Variants in SYCP2 observed in about 807,000 individuals in gnomAD.
The protein encoded by SYCP2 is synaptonemal complex lateral element protein.
SYCP2 carries 55 observed loss-of-function variants against 211.3 expected under a neutral mutation model. That is an observed-to-expected ratio of 0.26 (90% CI 0.21 to 0.33). SYCP2 has a LOEUF of 0.33. Among genes scored for constraint, SYCP2 ranks in the 10% least tolerant of loss-of-function variants. The pLI is 1.00. For missense variants in SYCP2, 1,731 were observed against 1,752.0 expected (o/e 0.99, Z 0.21); for synonymous variants, 570 against 555.2 (o/e 1.03, Z -0.37).
At chr20:59,879,750 T>C (rs139611410) in intron 31 of SYCP2, among the ~76,000 whole-genome samples, 2,963 of 148,490 alleles carry the variant, frequency 0.02, 126 homozygotes, top group African/African-American at 0.068. Flanking sequence ...ATTTTTTGTG[T>C]CTATATAAAT....
chr20:59,927,515 G>A (rs1003273648), intron 2 of SYCP2, among the ~76,000 whole-genome samples: 5 of 151,982 alleles, frequency 3.3e-5, no homozygotes, highest in African/African-American at 9.7e-5. Flanking sequence ...TTCTTCCAGG[G>A]TCAACATCTA....
At chr20:59,880,700 G>C (rs2059661379) in intron 30 of SYCP2, among the ~76,000 whole-genome samples, 1 of 151,718 alleles carries the variant, frequency 6.6e-6, no homozygotes, top group African/African-American at 2.4e-5. Context: ...TGTTGATGTT[G>C]TTAATTCAAA....
rs749857698 is a variant in SYCP2 at position 59,882,123 on chromosome 20, A to C, written c.2572T>G (p.Phe858Val). The C allele has an allele frequency of 9.9e-6, 16 of 1,613,144 alleles. No homozygotes were observed. Among genetic ancestry groups the C allele is most frequent in the African/African-American group, 1.3e-5 (1 of 75,024 alleles). The change falls in exon 27 of 45, where the codon TTT (phenylalanine) becomes GTT (valine). Residue 858 changes from phenylalanine to valine, a missense_variant. Physicochemically the swap from Phe to Val is conservative, Grantham distance 50. This residue lies in a region of SYCP2 where 1,387 missense variants were observed against 1,351.3 expected (regional missense o/e 1.03). Coordinates refer to ENST00000357552, the MANE Select transcript of SYCP2 (RefSeq NM_014258.4). Reference protein sequence around the residue: ...KKSYRKLKTTFVNVTSECPVN... With the variant: ...KKSYRKLKTTVVNVTSECPVN... ...GGGCATTCAGAAGTAACATTAACAA[A>C]GGTAGTCTTCAGTTTTCTGTAGCTT...
At chr20:59,912,000 C>A in intron 13 of SYCP2, 155 bp from the exon 14 acceptor site, 2 of 450,158 alleles carry the variant, frequency 4.4e-6, no homozygotes, top group Non-Finnish European at 7.9e-6. Context: ...AATTTAAAAA[C>A]AATCAAATGA....
chr20:59,916,814 G>C (rs999771978), intron 7 of SYCP2, among the ~76,000 whole-genome samples: 1 of 152,118 alleles, frequency 6.6e-6, no homozygotes, highest in Non-Finnish European at 1.5e-5. Context: ...AGCTACATGG[G>C]AGGCTGAGGT....
chr20:59,865,305 GAC>G (rs1718034946), intron 44 of SYCP2, 81 bp downstream of exon 44: 4 of 1,072,506 alleles, frequency 3.7e-6, no homozygotes, highest in Admixed American at 2.3e-5. Context: ...GAAAAAGAAA[GAC>G]ATAAAAGCAC....
Position 59,892,042 on chromosome 20 carries a change from T to A in SYCP2, c.2312A>T (p.Glu771Val). 6 of 1,607,218 alleles carry A rather than the reference T, an allele frequency of 3.7e-6. No individual in the cohort carries two copies. Among genetic ancestry groups the A allele is most frequent in the Non-Finnish European group, 5.1e-6 (6 of 1,177,726 alleles). The change falls in exon 24 of 45, where the codon GAG becomes GTG. Residue 771 changes from glutamate (E) to valine (V), a missense_variant. By Grantham distance (121) the Glu-to-Val change is moderately radical. Coordinates refer to ENST00000357552, the MANE Select transcript of SYCP2 (RefSeq NM_014258.4). ...SKNVQSHRKAEKELTSELNSW... is the reference protein window; with the variant it reads ...SKNVQSHRKAVKELTSELNSW... The stretch of plus-strand genomic sequence containing the variant: ...ATTAAGCTCAGAAGTCAATTCTTTC[T>A]CTGCTTTTCTATGACTTTGCACATT...
chr20:59,932,889 C>T (rs1292046457), intron 1 of SYCP2, among the ~76,000 whole-genome samples: 2 of 152,058 alleles, frequency 1.3e-5, no homozygotes, highest in South Asian at 2.1e-4. Context: ...GGACTGAAGG[C>T]GCCGAGCAGG....
intron 14 of SYCP2, among the ~76,000 whole-genome samples, chr20:59,910,639 A>G (rs995764389): frequency 4.6e-5 from 7 of 151,890 alleles, no homozygotes; most frequent in African/African-American, 1.7e-4. Context: ...GAATAAAGGA[A>G]CACTGCCCTA....
chr20:59,908,034 C>A (rs1202759661), intron 14 of SYCP2, among the ~76,000 whole-genome samples: 1 of 152,252 alleles, frequency 6.6e-6, no homozygotes, highest in East Asian at 1.9e-4. Context: ...ATCACGAGGT[C>A]AGGAGATGGA....
rs748363084 is a variant in SYCP2 at position 59,914,004 on chromosome 20, A to G, written c.801T>C (p.Leu267=). Residue 267 remains leucine, a synonymous_variant, in exon 12 of 45, where the codon CTT becomes CTC. Transcript: ENST00000357552. ...TTTTGTCTCCAAGCATGCCATTTAC[A>G]AGGTTGAGAAATATCCTGCAATCCT... The part of the protein sequence containing the change: ...FETDCRIFLN[L]VNGMLGDKRR... 1.9e-6 allele frequency: 3 copies of G among 1,599,282 alleles called. No homozygotes were observed. The highest frequency in any genetic ancestry group is 2.6e-6 in the Non-Finnish European group (3 of 1,173,724).
chr20:59,916,638 T>C, intron 7 of SYCP2, 67 bp from the exon 8 acceptor site: 1 of 1,129,244 alleles, frequency 8.9e-7, no homozygotes, highest in Non-Finnish European at 1.3e-6. Flanking sequence ...AGTCTTTTCT[T>C]ATAAGAGTTA....
chr20:59,903,392 A>T (rs1039242681), intron 15 of SYCP2, among the ~76,000 whole-genome samples: 2 of 152,148 alleles, frequency 1.3e-5, no homozygotes, highest in Non-Finnish European at 2.9e-5. Flanking sequence ...TTAGCTATGA[A>T]TGGGGAGAAA....
At chr20:59,881,114 G>T in intron 29 of SYCP2, 91 bp from the exon 30 acceptor site, 1 of 715,690 alleles carries the variant, frequency 1.4e-6, no homozygotes, top group Non-Finnish European at 2.2e-6. Flanking sequence ...TGAGTTTTCA[G>T]TCTTAACTTT....
At chr20:59,884,014 CT>C (rs2059738621) in intron 26 of SYCP2, among the ~76,000 whole-genome samples, 1 of 152,024 alleles carries the variant, frequency 6.6e-6, no homozygotes, top group Admixed American at 6.6e-5. Flanking sequence ...AAAAACACTT[CT>C]TTAAATATCG....
intron 26 of SYCP2, among the ~76,000 whole-genome samples, chr20:59,884,072 A>G (rs2059739350): frequency 6.6e-6 from 1 of 152,152 alleles, no homozygotes; most frequent in Non-Finnish European, 1.5e-5. Flanking sequence ...TAAATCTAAT[A>G]AAATCCTTTA....
chr20:59,924,879 C>T (rs916007128), intron 2 of SYCP2, among the ~76,000 whole-genome samples: 2 of 152,004 alleles, frequency 1.3e-5, no homozygotes, highest in Non-Finnish European at 2.9e-5. Context: ...CAAGGTAGAA[C>T]ATAAAGCAGT....
At position 59,880,988 on chromosome 20, in the gene SYCP2, G is replaced by A; in HGVS notation, c.2750C>T (p.Ser917Phe). Residue 917 changes from serine (S) to phenylalanine (F), a missense_variant, in exon 30 of 45, where the codon TCT becomes TTT. This residue lies in a region of SYCP2 where 1,387 missense variants were observed against 1,351.3 expected (regional missense o/e 1.03). Transcript: ENST00000357552. ...GPRNHDELKSSVKTKDKKIIT... is the reference protein window; with the variant it reads ...GPRNHDELKSFVKTKDKKIIT... ...TACTTTTTTATCTTTTGTTTTGACA[G>A]AAGATTTAAGTTCATCATGATTCCT... 5 of 1,488,988 alleles carry A rather than the reference G, an allele frequency of 3.4e-6. No homozygotes were observed. Among genetic ancestry groups the A allele is most frequent in the Non-Finnish European group, 4.6e-6 (5 of 1,087,810 alleles). The allele number at this position is 1,488,988 out of a possible 1,614,324, so 92.2% of individuals were successfully genotyped here.
intron 14 of SYCP2, among the ~76,000 whole-genome samples, chr20:59,909,467 T>C (rs971297296): frequency 6.6e-6 from 1 of 152,186 alleles, no homozygotes. Flanking sequence ...GCCTCCTAAC[T>C]GCCTCTAGTG....
Sources: gnomAD v4.1 joint callset for allele counts (sites outside exome capture counted in the v4.1 genomes callset) on GRCh38, gnomAD v4.1.1 for gene constraint, gnomAD v4.1.1 regional missense constraint, MANE v1.5 for transcripts, NCBI Gene and HGNC (gene_info 2026-07-23, HGNC 2026-07-21) for gene names.